Variants in OGG1 observed in about 807,000 individuals in gnomAD.
OGG1 encodes 8-oxoguanine DNA glycosylase.
Under a neutral mutation model 42.3 loss-of-function variants are expected in OGG1, and 35 were observed. The ratio of observed to expected loss-of-function variants is 0.83; its 90% CI spans 0.63 to 1.10. The LOEUF (loss-of-function observed/expected upper bound fraction) is 1.10, where lower values mean the gene tolerates loss of function less well. Ranked by LOEUF, OGG1 falls within the 50% of genes least tolerant of loss-of-function variation. The probability of loss-of-function intolerance (pLI) is 0.00; values close to 1 mark genes in which losing one functional copy is unlikely to be tolerated. For missense variants in OGG1, 484 were observed against 446.7 expected, an observed-to-expected ratio of 1.08 and a Z score of -0.75; for synonymous variants, 189 against 179.0, an observed-to-expected ratio of 1.06 and a Z score of -0.44.
chr3:9,787,468 G>A, intron 3 of OGG1: 4 of 1,342,908 alleles, frequency 3.0e-6, no homozygotes, highest in Non-Finnish European at 4.0e-6. Context: ...AGTGTCAGGT[G>A]TAGGTAAGAA....
chr3:9,751,250 A>G, intron 2 of OGG1, 58 bp downstream of exon 2: 1 of 1,584,594 alleles, frequency 6.3e-7, no homozygotes, highest in Non-Finnish European at 8.6e-7. Context: ...CTTCTCTATG[A>G]CTCAGTTTTG....
intron 2 of OGG1, among the ~76,000 whole-genome samples, chr3:9,776,398 T>C (rs1217836077): frequency 6.8e-6 from 1 of 146,468 alleles, no homozygotes; most frequent in Non-Finnish European, 1.5e-5. Flanking sequence ...CTTTTTTTTT[T>C]TTTTTTTTTG....
At chr3:9,757,891 A>G (rs2077661215), downstream of OGG1, 2 of 1,564,850 alleles carry the variant, frequency 1.3e-6, no homozygotes, top group Non-Finnish European at 1.7e-6. The surrounding 1 kb of genome is among the most constrained non-coding windows in gnomAD (Gnocchi z 4.5). Flanking sequence ...AGGACTTTTG[A>G]GAGAGTCAAG....
intron 7 of OGG1, among the ~76,000 whole-genome samples, chr3:9,764,124 T>C (rs1482526203): frequency 6.6e-6 from 1 of 152,196 alleles, no homozygotes; most frequent in Admixed American, 6.5e-5. Flanking sequence ...AGGTGCTAGA[T>C]TTAATGTAAC....
At chr3:9,769,240 C>A (rs562187143), downstream of OGG1, among the ~76,000 whole-genome samples, 97 of 152,022 alleles carry the variant, frequency 6.4e-4, no homozygotes, top group Non-Finnish European at 1.2e-3. Flanking sequence ...CAAGATGACA[C>A]CCAGACACAC....
rs2077250044 is a variant in OGG1, at chr3:9,750,494, G to A, written c.137+71G>A. On this transcript the variant is annotated intron_variant, in intron 1 of 6. Coordinates refer to ENST00000344629, the MANE Select transcript of OGG1 (RefSeq NM_002542.6). ...GCCGCCTCAACACTGCCTGGCATGG[G>A]GTACAAAGGAATTTGGGGGATGATG... 9.4e-6 allele frequency: 15 copies of A among 1,599,856 alleles called. No homozygotes were observed. The South Asian group carries it at 1.0e-4, about 11-fold the overall frequency.
exon 8 of OGG1, chr3:9,765,885 G>GC (rs771306418): frequency 2.0e-5 from 33 of 1,614,028 alleles, no homozygotes; most frequent in Non-Finnish European, 2.8e-5. Context: ...CTCCGAGAAG[G>GC]CCCCCCTATC....
chr3:9,755,327 G>A (rs979859671), intron 4 of OGG1, among the ~76,000 whole-genome samples: 2 of 152,126 alleles, frequency 1.3e-5, no homozygotes, highest in African/African-American at 4.8e-5. Context: ...CCCTCCCAAA[G>A]TGCTGGAATT....
downstream of OGG1, chr3:9,758,441 CA>C (rs1367443779): frequency 1.3e-5 from 2 of 154,602 alleles, no homozygotes; most frequent in African/African-American, 2.4e-5. Flanking sequence ...CTCTTTCCCC[CA>C]ACATCCATTG....
rs111247651 is a variant in OGG1 at position 9,778,905 on chromosome 3, G to A, written c.295-2608G>A. ...GTATACGAGAATGTTGGCCATGTTC[G>A]CCCTCCTTCTTTATGGCTCAGTTCA... On this transcript the variant is annotated intron_variant, in intron 2 of 3. Transcript: ENST00000426518. Among the ~76,000 whole-genome samples the A allele has an allele frequency of 2.6e-5, 4 of 152,238 alleles. No homozygotes were observed. The South Asian group carries it at 8.3e-4, about 32-fold the overall frequency.
In OGG1 at chr3:9,756,763, T is replaced by C. The variant is rs775424701; in HGVS notation, c.899-4T>C. 6.2e-7 allele frequency: 1 copy of C among 1,614,012 alleles called. No homozygotes were observed. The highest frequency in any genetic ancestry group is 8.5e-7 in the Non-Finnish European group (1 of 1,180,022). On this transcript the variant is annotated splice_region_variant and splice_polypyrimidine_tract_variant and intron_variant, in intron 5 of 6. Coordinates refer to ENST00000344629, the MANE Select transcript of OGG1 (RefSeq NM_002542.6). ...ATAACTTAGTCTCATCACTTCTGAT[T>C]TAGGAAACTTTTTCCGGAGCCTGTG... is the stretch of plus-strand genomic sequence containing the variant.
chr3:9,780,272 C>G, intron 2 of OGG1: 2 of 1,413,010 alleles, frequency 1.4e-6, no homozygotes, highest in Admixed American at 4.3e-5. Flanking sequence ...CAGCCACAGG[C>G]CAATGTTTCC....
downstream of OGG1, chr3:9,760,774 C>T: frequency 6.2e-7 from 1 of 1,613,916 alleles, no homozygotes; most frequent in Non-Finnish European, 8.5e-7. Flanking sequence ...AGAGCCTGGG[C>T]AGGGAGAAAC....
intron 3 of OGG1, among the ~76,000 whole-genome samples, chr3:9,782,591 C>G (rs1027593440): frequency 6.6e-6 from 1 of 152,230 alleles, no homozygotes; most frequent in Non-Finnish European, 1.5e-5. Context: ...CTCTGCCTCT[C>G]TTGCTGGCCC....
At chr3:9,789,513 T>A (rs767938554), downstream of OGG1, 271 of 1,613,834 alleles carry the variant, frequency 1.7e-4, 1 homozygote, top group Non-Finnish European at 2.2e-4. Flanking sequence ...TTCTACCTTG[T>A]AATGCTCAGC....
chr3:9,762,744 G>T (rs968658731), intron 7 of OGG1, among the ~76,000 whole-genome samples: 2 of 152,022 alleles, frequency 1.3e-5, no homozygotes, highest in Non-Finnish European at 2.9e-5. Context: ...GTTCCTTTGA[G>T]TATCTGGACT....
At chr3:9,772,651 C>T (rs2078315776) in intron 2 of OGG1, among the ~76,000 whole-genome samples, 1 of 152,194 alleles carries the variant, frequency 6.6e-6, no homozygotes, top group Non-Finnish European at 1.5e-5. Flanking sequence ...AGGACTCTGG[C>T]TCTGCTTGAG....
chr3:9,766,651 G>T, exon 8 of OGG1: 1 of 1,052,916 alleles, frequency 9.5e-7, no homozygotes, highest in Non-Finnish European at 1.2e-6. Context: ...TTTAACTAAA[G>T]TTAACTGATT....
At chr3:9,759,648 C>T (rs1304303586), downstream of OGG1, 1 of 1,614,188 alleles carries the variant, frequency 6.2e-7, no homozygotes, top group Admixed American at 1.7e-5. Flanking sequence ...CCCGCCCCAG[C>T]TCACAGGTTG....
Sources: gnomAD v4.1 joint callset for allele counts (sites outside exome capture counted in the v4.1 genomes callset) on GRCh38, gnomAD v4.1.1 for gene constraint, Gnocchi (gnomAD v3.1) non-coding constraint, MANE v1.5 for transcripts, NCBI Gene and HGNC (gene_info 2026-07-23, HGNC 2026-07-21) for gene names.